The following PLXDC2 variants were observed in gnomAD, a reference collection of about 807,000 sequenced individuals.
The protein encoded by PLXDC2 is plexin domain-containing protein 2.
Under a neutral mutation model 68.9 loss-of-function variants are expected in PLXDC2, and 40 were observed. The ratio of observed to expected loss-of-function variants is 0.58; its 90% CI spans 0.45 to 0.76. PLXDC2 has a LOEUF of 0.76. Ranked by LOEUF, PLXDC2 falls within the 30% of genes least tolerant of loss-of-function variation. The pLI, the probability that PLXDC2 is intolerant of heterozygous loss-of-function variation, is 0.00. For missense variants in PLXDC2, 644 were observed against 661.9 expected, an observed-to-expected ratio of 0.97 and a Z score of 0.30; for synonymous variants, 243 against 234.2, an observed-to-expected ratio of 1.04 and a Z score of -0.34.
intron 1 of PLXDC2, among the ~76,000 whole-genome samples, chr10:19,929,770 C>T (rs939981486): frequency 1.3e-5 from 2 of 152,226 alleles, no homozygotes; most frequent in Non-Finnish European, 2.9e-5. Flanking sequence ...CTGTTGGTTG[C>T]ATGTCCCAAG....
At chr10:20,203,291 AAT>A (rs1491343836) in intron 9 of PLXDC2, among the ~76,000 whole-genome samples, 4 of 118,624 alleles carry the variant, frequency 3.4e-5, no homozygotes, top group African/African-American at 4.4e-5. Context: ...AAATAAGATG[AAT>A]TTTTTTTTTT....
At chr10:20,200,091 A>T (rs1365294230) in intron 9 of PLXDC2, among the ~76,000 whole-genome samples, 1 of 151,966 alleles carries the variant, frequency 6.6e-6, no homozygotes, top group Non-Finnish European at 1.5e-5. Context: ...TTAAAAGAAA[A>T]GGTTGGAAGA....
At chr10:20,152,121 G>A (rs1834160186) in intron 6 of PLXDC2, among the ~76,000 whole-genome samples, 1 of 151,928 alleles carries the variant, frequency 6.6e-6, no homozygotes. Flanking sequence ...ATCCTTTCAT[G>A]CTGCAAATAT....
chr10:20,083,466 G>GA (rs144535178), intron 4 of PLXDC2, among the ~76,000 whole-genome samples: 40,737 of 135,168 alleles, frequency 0.3, 7,398 homozygotes, highest in East Asian at 0.63. Context: ...AACAGAGCGA[G>GA]ACTCCGTCTC....
At chr10:20,044,341 TTCTC>T in intron 2 of PLXDC2, among the ~76,000 whole-genome samples, 1 of 149,574 alleles carries the variant, frequency 6.7e-6, no homozygotes, top group Non-Finnish European at 1.5e-5. Flanking sequence ...TCTTGAGTCT[TTCTC>T]TGTTGCCCAG....
At chr10:19,877,123 T>G (rs1837646352) in intron 1 of PLXDC2, among the ~76,000 whole-genome samples, 2 of 152,158 alleles carry the variant, frequency 1.3e-5, no homozygotes, top group African/African-American at 4.8e-5. Context: ...ACTAGTGATA[T>G]TCTGATAAAA....
At chr10:20,044,221 CTTT>C (rs1835746232) in intron 2 of PLXDC2, among the ~76,000 whole-genome samples, 2 of 27,582 alleles carry the variant, frequency 7.3e-5, no homozygotes, top group Admixed American at 8.6e-4. Flanking sequence ...GTCTTTCTTT[CTTT>C]CTTTCTTTCT....
intron 13 of PLXDC2, among the ~76,000 whole-genome samples, chr10:20,266,389 A>G (rs1835872883): frequency 6.6e-6 from 1 of 152,164 alleles, no homozygotes. Context: ...TAATGACAGA[A>G]AATGATACAA....
intron 1 of PLXDC2, among the ~76,000 whole-genome samples, chr10:19,956,547 C>G (rs1305768102): frequency 6.6e-6 from 1 of 152,118 alleles, no homozygotes; most frequent in Non-Finnish European, 1.5e-5. Context: ...AACCTTTGGA[C>G]TTGTGAATTT....
chr10:20,235,010 C>A (rs1294549782), intron 12 of PLXDC2, among the ~76,000 whole-genome samples: 1 of 152,160 alleles, frequency 6.6e-6, no homozygotes, highest in Non-Finnish European at 1.5e-5. Flanking sequence ...TTACAGATAA[C>A]TGCGGAAGGG....
intron 2 of PLXDC2, among the ~76,000 whole-genome samples, chr10:20,009,260 C>T (rs924038619): frequency 5.9e-5 from 9 of 152,164 alleles, no homozygotes; most frequent in African/African-American, 1.9e-4. Flanking sequence ...GAATAAAACA[C>T]GTACAAGGAG....
Position 19,817,108 on chromosome 10 carries a change from C to T in PLXDC2, c.29C>T (p.Ala10Val). 2 of 1,563,530 alleles carry T rather than the reference C, an allele frequency of 1.3e-6. No individual in the cohort carries two copies. The highest frequency in any genetic ancestry group is 1.8e-5 in the Admixed American group (1 of 54,116). Residue 10 changes from alanine to valine, a missense_variant, in exon 1 of 14, where the codon GCC (alanine) becomes GTC (valine). This residue lies in a region of PLXDC2 where 201 missense variants were observed against 166.9 expected (regional missense o/e 1.20). Transcript: ENST00000377252. MARFPKADL[A>V]AAGVMLLCHF... ...GCGAGGTTCCCGAAGGCCGACCTGG[C>T]CGCTGCAGGAGTTATGTTACTTTGC...
At chr10:20,183,466 A>G (rs138996423) in intron 9 of PLXDC2, among the ~76,000 whole-genome samples, 158 of 152,084 alleles carry the variant, frequency 1.0e-3, no homozygotes, top group Middle Eastern at 3.4e-3. Flanking sequence ...AGAAACAACA[A>G]TATTTGTCAC....
chr10:20,044,209 CTGTCTTTCTTTCTTTCTT>C lies in PLXDC2; in HGVS notation c.325-2658_325-2641del, dbSNP rs1347232996. ...TCTTTCTTTCTCTCTCTCTCTCTCT[CTGTCTTTCTTTCTTTCTT>C]TCTTTCTTTCTTTCTTTCTTTCTTT... On this transcript the variant is annotated intron_variant, in intron 2 of 13. Transcript: ENST00000377252. Among the ~76,000 whole-genome samples the C allele has an allele frequency of 3.9e-3, 353 of 91,566 alleles. 11 individuals are homozygous for C. Among genetic ancestry groups the C allele is most frequent in the African/African-American group, 0.013 (277 of 20,592 alleles). 60.1% of individuals were successfully genotyped at this position (91,566 alleles called of 152,430 possible). A position where few individuals can be genotyped will look rare whatever the true frequency, so the allele number is the denominator to read the frequency against.
At chr10:19,904,606 T>C (rs992883305) in intron 1 of PLXDC2, among the ~76,000 whole-genome samples, 14 of 152,178 alleles carry the variant, frequency 9.2e-5, no homozygotes, top group African/African-American at 3.4e-4. Context: ...TTTCAGTGTC[T>C]CATGAAGGCT....
At chr10:20,084,921 G>C (rs1292593003) in intron 4 of PLXDC2, among the ~76,000 whole-genome samples, 2 of 151,512 alleles carry the variant, frequency 1.3e-5, no homozygotes, top group African/African-American at 4.8e-5. Flanking sequence ...TTCTGGAAAA[G>C]TATCCCTATC....
chr10:20,162,793 G>T (rs1157096807), intron 6 of PLXDC2, among the ~76,000 whole-genome samples: 1 of 151,828 alleles, frequency 6.6e-6, no homozygotes, highest in African/African-American at 2.4e-5. Context: ...GCCAGGCGCA[G>T]TAGCTCACGC....
chr10:20,250,505 A>T (rs1047392591), intron 13 of PLXDC2, among the ~76,000 whole-genome samples: 1 of 152,168 alleles, frequency 6.6e-6, no homozygotes, highest in African/African-American at 2.4e-5. Context: ...TGTTACAAAG[A>T]TTATCTTCAT....
intron 2 of PLXDC2, among the ~76,000 whole-genome samples, chr10:20,031,161 G>A (rs112108914): frequency 0.018 from 2,678 of 152,082 alleles, 77 homozygotes; most frequent in African/African-American, 0.061. Context: ...TGAGGCCAGG[G>A]GTTCAAGACC....
Sources: gnomAD v4.1 joint callset for allele counts (sites outside exome capture counted in the v4.1 genomes callset) on GRCh38, gnomAD v4.1.1 for gene constraint, gnomAD v4.1.1 regional missense constraint, MANE v1.5 for transcripts, NCBI Gene and HGNC (gene_info 2026-07-23, HGNC 2026-07-21) for gene names.